MYO9B: variants seen among roughly 807,000 people sequenced by gnomAD.
MYO9B encodes myosin IXB, also known as unconventional myosin-IXb.
MYO9B carries 71 observed loss-of-function variants against 229.5 expected under a neutral mutation model. That is an observed-to-expected ratio of 0.31 (90% confidence interval 0.26 to 0.38). The LOEUF is 0.38. Ranked by LOEUF, MYO9B falls within the 10% of genes least tolerant of loss-of-function variation. The pLI, the probability that MYO9B is intolerant of heterozygous loss-of-function variation, is 1.00. For synonymous variants in MYO9B, 1,185 were observed against 1,235.8 expected, an observed-to-expected ratio of 0.96 and a Z score of 0.86; for missense variants, 2,255 against 2,920.5, an observed-to-expected ratio of 0.77 and a Z score of 5.25.
intron 2 of MYO9B, among the ~76,000 whole-genome samples, chr19:17,132,301 T>C (rs1049814059): frequency 7.2e-6 from 1 of 138,512 alleles, no homozygotes; most frequent in African/African-American, 2.7e-5. Context: ...TTCTCTTGCC[T>C]CAGCCTCCCA....
rs1192347465 is a variant in MYO9B, at chr19:17,184,915, C to T, written c.2424C>T (p.His808=). 28 of 1,613,910 alleles carry T rather than the reference C, an allele frequency of 1.7e-5. No individual in the cohort carries two copies. The highest frequency in any genetic ancestry group is 1.6e-4 in the Middle Eastern group (1 of 6,062). Residue 808 remains histidine (H), a synonymous_variant, in exon 17 of 40, where the codon CAC becomes CAT. Transcript: ENST00000682292. ...SLKLIISMTL[H]DRTTKSLLHL... Reference sequence around the variant, plus strand: ...AACTCATCATCAGCATGACTCTGCACGACCGCACCACCAAGTCCCTACTGC... The same window carrying T: ...AACTCATCATCAGCATGACTCTGCATGACCGCACCACCAAGTCCCTACTGC...
In MYO9B at chr19:17,205,345, A is replaced by G; in HGVS notation, c.5064+9A>G. The G allele has an allele frequency of 6.2e-7, 1 of 1,612,908 alleles. No homozygotes were observed. The highest frequency in any genetic ancestry group is 8.5e-7 in the Non-Finnish European group (1 of 1,179,092). ...ACACCTACGGGAGGAAGGTGAGTGTACGAGGCCTGGAACTTTCTACAATGA... is the reference window on the plus strand; with the variant it reads ...ACACCTACGGGAGGAAGGTGAGTGTGCGAGGCCTGGAACTTTCTACAATGA... On this transcript the variant is annotated intron_variant, in intron 31 of 39. Coordinates refer to ENST00000682292, the MANE Select transcript of MYO9B (RefSeq NM_004145.4).
intron 2 of MYO9B, among the ~76,000 whole-genome samples, chr19:17,120,707 T>C (rs1372244236): frequency 6.6e-6 from 1 of 151,446 alleles, no homozygotes; most frequent in South Asian, 2.1e-4. Context: ...TTATGCTAAT[T>C]GGTAACAGTC....
chr19:17,168,736 G>A (rs1275501353), intron 11 of MYO9B, among the ~76,000 whole-genome samples: 3 of 152,180 alleles, frequency 2.0e-5, no homozygotes, highest in East Asian at 3.9e-4. Context: ...GGTTGAGGCT[G>A]CAGGGAGCTG....
At chr19:17,182,321 C>G (rs1228940800) in intron 15 of MYO9B, among the ~76,000 whole-genome samples, 1 of 152,104 alleles carries the variant, frequency 6.6e-6, no homozygotes, top group African/African-American at 2.4e-5. Context: ...CTCCTGGGCT[C>G]AAGCGATCTT....
chr19:17,183,165 G>A (rs1027100611), intron 15 of MYO9B, among the ~76,000 whole-genome samples: 5 of 152,066 alleles, frequency 3.3e-5, no homozygotes, highest in African/African-American at 7.2e-5. Flanking sequence ...CAGGTGATCC[G>A]CTCACCTCAG....
intron 3 of MYO9B, among the ~76,000 whole-genome samples, chr19:17,146,638 A>C (rs559752562): frequency 6.6e-6 from 1 of 152,266 alleles, no homozygotes; most frequent in Non-Finnish European, 1.5e-5. Flanking sequence ...GAGTAGATTC[A>C]TGGGTAGGTG....
intron 2 of MYO9B, among the ~76,000 whole-genome samples, chr19:17,109,377 T>C (rs2057825777): frequency 6.6e-6 from 1 of 152,106 alleles, no homozygotes; most frequent in Admixed American, 6.6e-5. Context: ...CATTTTCTAA[T>C]AAGAGGAATA....
At chr19:17,181,452 C>T (rs2072859838) in intron 15 of MYO9B, among the ~76,000 whole-genome samples, 1 of 152,236 alleles carries the variant, frequency 6.6e-6, no homozygotes, top group Admixed American at 6.5e-5. Context: ...CTGATCTCTG[C>T]AGGTGGCCAC....
At chr19:17,171,927 C>G (rs529734076) in intron 11 of MYO9B, among the ~76,000 whole-genome samples, 1 of 152,306 alleles carries the variant, frequency 6.6e-6, no homozygotes, top group Admixed American at 6.5e-5. Context: ...GAGTGAGACC[C>G]TGTCTCCAAA....
rs1472120562 is a variant in MYO9B, at chr19:17,156,997, G to A, written c.1288G>A (p.Gly430Arg). 6.2e-6 allele frequency: 10 copies of A among 1,613,762 alleles called. No homozygotes were observed. Among genetic ancestry groups the A allele is most frequent in the South Asian group, 3.3e-5 (3 of 91,066 alleles). ...ATGREEGLEVGPPEVLDTLSQ... is the reference protein window; with the variant it reads ...ATGREEGLEVRPPEVLDTLSQ... ...AGGCCGAGAGGAAGGGTTGGAGGTC[G>A]GGCCACCCGAGGTGCTGGACACCCT... The change falls in exon 7 of 40, where the codon GGG becomes AGG. Residue 430 changes from glycine to arginine, a missense_variant. This residue lies in a region of MYO9B where 220 missense variants were observed against 404.5 expected (regional missense o/e 0.54). Coordinates refer to ENST00000682292, the MANE Select transcript of MYO9B (RefSeq NM_004145.4).
At chr19:17,081,022 ATTTG>A (rs141961766) in intron 1 of MYO9B, among the ~76,000 whole-genome samples, 3,555 of 152,118 alleles carry the variant, frequency 0.023, 155 homozygotes, top group African/African-American at 0.082. Flanking sequence ...ATTTTTATTT[ATTTG>A]TTTATTTATT....
chr19:17,135,202 T>C (rs1157297316), intron 2 of MYO9B, among the ~76,000 whole-genome samples: 1 of 152,134 alleles, frequency 6.6e-6, no homozygotes. Context: ...CTAGACCTAG[T>C]GAGATAATAA....
chr19:17,101,960 C>T lies in MYO9B; in HGVS notation c.243C>T (p.Asn81=), dbSNP rs201695023. 772 of 1,613,378 alleles carry T rather than the reference C, an allele frequency of 4.8e-4. 3 individuals are homozygous for T. The highest frequency in any genetic ancestry group is 4.2e-3 in the Admixed American group (253 of 59,970). The stretch of plus-strand genomic sequence containing the variant: ...GCGAGGAATGGGTGCTGGACGCCAA[C>T]GACTCGCCTGTGCACCGGGTGCTGC... The part of the protein sequence containing the change: ...SGGEEWVLDA[N]DSPVHRVLLW... The change falls in exon 2 of 40, where the codon AAC becomes AAT. Residue 81 remains asparagine, a synonymous_variant. Transcript: ENST00000682292. This position sits in a 1 kb window ranked among gnomAD's most constrained non-coding sequence, Gnocchi z 4.7.
chr19:17,092,601 C>A (rs1027565295), intron 1 of MYO9B, among the ~76,000 whole-genome samples: 1 of 151,954 alleles, frequency 6.6e-6, no homozygotes, highest in Admixed American at 6.6e-5. Context: ...TGATGCACGC[C>A]TATATCCCAG....
intron 2 of MYO9B, among the ~76,000 whole-genome samples, chr19:17,142,464 C>G (rs77473093): frequency 0.081 from 12,262 of 152,074 alleles, 682 homozygotes; most frequent in Non-Finnish European, 0.12. Flanking sequence ...TCATGTTTTA[C>G]GCCAATTTTT....
At chr19:17,107,113 G>A (rs1297091541) in intron 2 of MYO9B, among the ~76,000 whole-genome samples, 1 of 152,040 alleles carries the variant, frequency 6.6e-6, no homozygotes, top group Non-Finnish European at 1.5e-5. Flanking sequence ...GTGCATGCCT[G>A]TGGTCTCAGC....
At chr19:17,127,998 A>G (rs954508496) in intron 2 of MYO9B, among the ~76,000 whole-genome samples, 2 of 152,074 alleles carry the variant, frequency 1.3e-5, no homozygotes, top group African/African-American at 4.8e-5. Context: ...AATTTGCCCA[A>G]ATTGCCCAGC....
At chr19:17,198,853 C>T (rs1473467788) in intron 24 of MYO9B, among the ~76,000 whole-genome samples, 1 of 151,686 alleles carries the variant, frequency 6.6e-6, no homozygotes, top group Non-Finnish European at 1.5e-5. Flanking sequence ...CTGTCTCTAT[C>T]GGCACTTGGC....
Sources: allele counts gnomAD v4.1 joint callset (sites outside exome capture counted in the v4.1 genomes callset), GRCh38; gene constraint gnomAD v4.1.1; regional missense constraint gnomAD v4.1.1; non-coding constraint Gnocchi (gnomAD v3.1); transcripts MANE v1.5; gene names NCBI Gene and HGNC (gene_info 2026-07-23, HGNC 2026-07-21).